Variants in PDE4A observed in about 807,000 individuals in gnomAD.
The protein encoded by PDE4A is 3',5'-cyclic-AMP phosphodiesterase 4A.
A neutral mutation model predicts 73.9 loss-of-function variants in PDE4A; 21 were observed. That is an observed-to-expected ratio of 0.28 (90% CI 0.20 to 0.41). The LOEUF (loss-of-function observed/expected upper bound fraction) is 0.41. Ranked by LOEUF, PDE4A falls within the 10% of genes least tolerant of loss-of-function variation. The pLI is 1.00. For missense variants in PDE4A, 958 were observed against 1,211.4 expected (o/e 0.79, Z 3.10); for synonymous variants, 463 against 505.4 (o/e 0.92, Z 1.13).
Position 10,467,734 on chromosome 19 carries a change from AAG to A in PDE4A, c.*115_*116del. On this transcript the variant is annotated 3_prime_UTR_variant, in exon 15 of 15. Transcript: ENST00000380702. ...TGTCCTCTTGTCCCTCCTGAGAAAA[AAG>A]AAAACGAAAAGTGGGGTTTTTTTCT... 1 of 791,584 alleles carries A rather than the reference AAG, an allele frequency of 1.3e-6. No individual in the cohort carries two copies. The highest frequency in any genetic ancestry group is 1.9e-6 in the Non-Finnish European group (1 of 536,786). 49.0% of individuals were successfully genotyped at this position (791,584 alleles called of 1,614,324 possible). A position where few individuals can be genotyped will look rare whatever the true frequency, so the allele number is the denominator to read the frequency against.
At position 10,461,660 on chromosome 19, in the gene PDE4A, C is replaced by A; in HGVS notation, c.1600C>A (p.Arg534Ser). 1 of 1,596,668 alleles carries A rather than the reference C, an allele frequency of 6.3e-7. No individual in the cohort carries two copies. The highest frequency in any genetic ancestry group is 1.7e-4 in the Middle Eastern group (1 of 5,920). The part of the protein sequence containing the change: ...NLSKRQRQSL[R>S]KMVIDMVLAT... Reference sequence around the variant, plus strand: ...CAGCAAGCGCCAGCGGCAGAGCCTACGCAAGATGGTCATCGACATGGTGGG... The same window carrying A: ...CAGCAAGCGCCAGCGGCAGAGCCTAAGCAAGATGGTCATCGACATGGTGGG... The change falls in exon 12 of 15, where the codon CGC becomes AGC. Residue 534 changes from arginine to serine, a missense_variant. Physicochemically the swap from Arg to Ser is moderately radical, Grantham distance 110 (BLOSUM62 -1). Coordinates refer to ENST00000380702, the MANE Select transcript of PDE4A (RefSeq NM_001111307.2).
chr19:10,421,061 C>T lies in PDE4A; in HGVS notation c.297C>T (p.Gly99=), dbSNP rs1324185943. The T allele has an allele frequency of 3.6e-6, 5 of 1,382,776 alleles. No homozygotes were observed. Among genetic ancestry groups the T allele is most frequent in the Non-Finnish European group, 4.6e-6 (5 of 1,077,734 alleles). The allele number at this position is 1,382,776 out of a possible 1,614,324, so 85.7% of individuals were successfully genotyped here. A position where few individuals can be genotyped will look rare whatever the true frequency, so the allele number is the denominator to read the frequency against. Residue 99 remains glycine, a synonymous_variant, in exon 1 of 15, where the codon GGC becomes GGT. Transcript: ENST00000380702. ...ATGGCACTGGCACCGGCAGCGGCGG[C>T]GCGGGCGGAGGCAGCAGCAGGCGGT... The part of the protein sequence containing the change: ...SFHGTGTGSG[G]AGGGSSRRFE...
At chr19:10,452,985 C>T (rs1215083480) in intron 6 of PDE4A, 5 of 1,269,124 alleles carry the variant, frequency 3.9e-6, no homozygotes, top group East Asian at 7.4e-5. Context: ...GACCCTTGCC[C>T]TGCCCCCCTC....
upstream of PDE4A, chr19:10,419,226 T>TGG (rs372713857): frequency 1.1e-3 from 42 of 37,984 alleles, no homozygotes; most frequent in South Asian, 4.0e-3. Context: ...CTTATCGGCG[T>TGG]GGGGGGGGGG....
At chr19:10,459,254 C>G (rs758601209) in intron 8 of PDE4A, 146 bp from the exon 9 acceptor site, 298 of 1,399,958 alleles carry the variant, frequency 2.1e-4, no homozygotes, top group Non-Finnish European at 2.7e-4. Context: ...AGGACGAGGG[C>G]AGTACATTCT....
chr19:10,452,978 C>T, intron 6 of PDE4A: 1 of 1,255,316 alleles, frequency 8.0e-7, no homozygotes, highest in Non-Finnish European at 1.0e-6. Context: ...CTCCTGGGAC[C>T]CTTGCCCTGC....
intron 6 of PDE4A, 25 bp downstream of exon 6, chr19:10,450,966 C>A: frequency 6.4e-7 from 1 of 1,559,488 alleles, no homozygotes; most frequent in East Asian, 2.4e-5. Flanking sequence ...GGCAGAACCC[C>A]TGGGCGGGGC....
intron 1 of PDE4A, chr19:10,430,982 C>T (rs201774770): frequency 3.2e-4 from 493 of 1,564,318 alleles, no homozygotes; most frequent in Non-Finnish European, 3.9e-4. Flanking sequence ...GTTCGCCGCC[C>T]TCCTCGCCCG....
upstream of PDE4A, chr19:10,420,225 T>C: frequency 4.9e-6 from 1 of 204,612 alleles, no homozygotes; most frequent in Non-Finnish European, 8.6e-6. This position sits in a 1 kb window ranked among gnomAD's most constrained non-coding sequence, Gnocchi z 6.0. Flanking sequence ...TGACTGACAC[T>C]CTGGCAACCA....
chr19:10,444,359 G>A (rs983833484), intron 1 of PDE4A, among the ~76,000 whole-genome samples: 7 of 152,016 alleles, frequency 4.6e-5, no homozygotes, highest in East Asian at 1.9e-4. Flanking sequence ...TTTGCCAGGC[G>A]TGGTGGTGCA....
At chr19:10,443,364 G>A (rs1170625163) in intron 1 of PDE4A, among the ~76,000 whole-genome samples, 6 of 151,654 alleles carry the variant, frequency 4.0e-5, no homozygotes. Context: ...GGACAACATG[G>A]CGAGACCCCA....
intron 1 of PDE4A, among the ~76,000 whole-genome samples, chr19:10,444,549 G>A (rs1359753228): frequency 1.3e-5 from 2 of 152,064 alleles, no homozygotes; most frequent in African/African-American, 4.8e-5. Flanking sequence ...GTTGGTCAGG[G>A]GAGGCTTCTT....
intron 2 of PDE4A, among the ~76,000 whole-genome samples, chr19:10,448,635 A>T (rs1471195665): frequency 3.6e-5 from 5 of 139,076 alleles, no homozygotes; most frequent in African/African-American, 1.3e-4. Flanking sequence ...GACTCTGTCT[A>T]AAAAAAAAAA....
intron 7 of PDE4A, among the ~76,000 whole-genome samples, chr19:10,455,634 AAAAC>A (rs899818759): frequency 7.2e-5 from 11 of 151,998 alleles, no homozygotes; most frequent in Admixed American, 2.6e-4. Context: ...ACTCCGTCTC[AAAAC>A]AAACAAACAA....
At chr19:10,449,280 C>T in intron 4 of PDE4A, 130 bp downstream of exon 4, 2 of 934,046 alleles carry the variant, frequency 2.1e-6, no homozygotes, top group Non-Finnish European at 1.7e-6. Flanking sequence ...CAACAGCTCC[C>T]AGAAAGCCAG....
upstream of PDE4A, chr19:10,418,865 C>A: frequency 1.0e-6 from 1 of 984,078 alleles, no homozygotes; most frequent in Non-Finnish European, 1.2e-6. Flanking sequence ...ACAGCCCCTG[C>A]AAATTCCCTA....
At chr19:10,417,555 G>A, upstream of PDE4A, 2 of 1,452,082 alleles carry the variant, frequency 1.4e-6, no homozygotes, top group Non-Finnish European at 1.8e-6. Flanking sequence ...AGCCTATACC[G>A]CCATTAACTA....
At chr19:10,455,061 C>A in intron 7 of PDE4A, 139 bp downstream of exon 7, 1 of 775,274 alleles carries the variant, frequency 1.3e-6, no homozygotes. Context: ...GTCACCCTAT[C>A]CAGGAACCCT....
intron 1 of PDE4A, chr19:10,423,057 C>T: frequency 7.2e-6 from 7 of 978,852 alleles, no homozygotes; most frequent in Non-Finnish European, 8.5e-6. Context: ...ATGCCAGGGA[C>T]TTTTCCATAT....
Sources: gnomAD v4.1 joint callset for allele counts (sites outside exome capture counted in the v4.1 genomes callset) on GRCh38, gnomAD v4.1.1 for gene constraint, Gnocchi (gnomAD v3.1) non-coding constraint, MANE v1.5 for transcripts, NCBI Gene and HGNC (gene_info 2026-07-23, HGNC 2026-07-21) for gene names.